The following SLC30A3 variants were observed in gnomAD, a reference collection of about 807,000 sequenced individuals.
SLC30A3 encodes the protein probable proton-coupled zinc antiporter SLC30A3.
A neutral mutation model predicts 35.6 loss-of-function variants in SLC30A3; 20 were observed. The observed-to-expected ratio is 0.56, with a 90% CI of 0.39 to 0.82. The LOEUF is 0.82. Ranked by LOEUF, SLC30A3 falls within the 40% of genes least tolerant of loss-of-function variation. The probability of loss-of-function intolerance (pLI) is 0.00; values close to 1 mark genes in which losing one functional copy is unlikely to be tolerated. For missense variants in SLC30A3, 401 were observed against 530.6 expected (o/e 0.76, Z 2.40); for synonymous variants, 217 against 224.7 (o/e 0.97, Z 0.31).
chr2:27,260,980 T>A (rs1677152863), intron 1 of SLC30A3, among the ~76,000 whole-genome samples: 1 of 152,088 alleles, frequency 6.6e-6, no homozygotes, highest in Non-Finnish European at 1.5e-5. Context: ...GCTTACTACA[T>A]AAGGACAGGT....
intron 1 of SLC30A3, among the ~76,000 whole-genome samples, chr2:27,261,138 CAA>C (rs1677164306): frequency 6.6e-6 from 1 of 152,106 alleles, no homozygotes; most frequent in Non-Finnish European, 1.5e-5. Context: ...TGTAGAATGA[CAA>C]AGACGAGGTT....
chr2:27,272,923 A>G (rs1435115032), intron 1 of SLC30A3, among the ~76,000 whole-genome samples: 2 of 151,388 alleles, frequency 1.3e-5, no homozygotes, highest in Admixed American at 1.3e-4. Flanking sequence ...ATGCTGGTGC[A>G]TGCCTTTAGT....
chr2:27,258,784 A>C lies in SLC30A3; in HGVS notation c.246T>G (p.Val82=), dbSNP rs1992290. 50,238 of 1,614,130 alleles carry C rather than the reference A, an allele frequency of 0.031. 6,132 individuals carry two copies. In the African/African-American group the frequency reaches 0.39, roughly 13 times the overall value. ...ARRQLYAACA[V]CFVFMAGEVV... is the part of the protein sequence containing the mutation. Reference sequence around the variant, plus strand: ...CCTCCCCAGCCATGAAGACAAAGCAAACGGCACAGGCAGCATATAGCTGCC... The same window carrying C: ...CCTCCCCAGCCATGAAGACAAAGCACACGGCACAGGCAGCATATAGCTGCC... Residue 82 remains valine, a synonymous_variant, in exon 2 of 8, where the codon GTT becomes GTG. Transcript: ENST00000233535. This position sits in a 1 kb window ranked among gnomAD's most constrained non-coding sequence, Gnocchi z 4.0.
rs745429257 is a variant in SLC30A3, at chr2:27,257,317, T to TG, written c.613dup (p.His205ProfsTer6). 18 of 1,613,016 alleles carry TG rather than the reference T, an allele frequency of 1.1e-5. No homozygotes were observed. The highest frequency in any genetic ancestry group is 1.7e-6 in the Non-Finnish European group (2 of 1,179,708). ...CTCTGCTCCCCTAGACCCGTGGCTGTGGGGGGGCCCAGCCTGGTGCAGCAC... is the reference window on the plus strand; with the variant it reads ...CTCTGCTCCCCTAGACCCGTGGCTGTGGGGGGGGCCCAGCCTGGTGCAGCAC... On this transcript the variant is annotated frameshift_variant, in exon 5 of 8. Coordinates refer to ENST00000233535, the MANE Select transcript of SLC30A3 (RefSeq NM_003459.5). LOFTEE classifies it high-confidence loss of function. The surrounding 1 kb of genome is among the most constrained non-coding windows in gnomAD (Gnocchi z 4.7).
At position 27,257,953 on chromosome 2, in the gene SLC30A3, C is replaced by T; in HGVS notation, c.530G>A (p.Gly177Glu). The T allele has an allele frequency of 6.2e-7, 1 of 1,614,194 alleles. No individual in the cohort carries two copies. Among genetic ancestry groups the T allele is most frequent in the South Asian group, 1.1e-5 (1 of 91,082 alleles). The change falls in exon 4 of 8, where the codon GGG becomes GAG. Residue 177 changes from glycine to glutamate, a missense_variant. Physicochemically the swap from Gly to Glu is moderately conservative, Grantham distance 98 (BLOSUM62 -2). This residue lies in a region of SLC30A3 where 296 missense variants were observed against 392.6 expected (regional missense o/e 0.75). Transcript: ENST00000233535. This position sits in a 1 kb window ranked among gnomAD's most constrained non-coding sequence, Gnocchi z 4.7. ...GCTGGCGGTCAGCAGCATGGCACCCCCCTCGATGTGGTAGTCGCTGTGCAG... is the reference window on the plus strand; with the variant it reads ...GCTGGCGGTCAGCAGCATGGCACCCTCCTCGATGTGGTAGTCGCTGTGCAG... ...RLLHSDYHIE[G>E]GAMLLTASIA... is the part of the protein sequence containing the mutation.
chr2:27,269,230 A>G (rs1677627279), intron 1 of SLC30A3, among the ~76,000 whole-genome samples: 1 of 136,968 alleles, frequency 7.3e-6, no homozygotes, highest in African/African-American at 2.8e-5. Flanking sequence ...TTTTGGAGAC[A>G]GAGTCTTGCT....
intron 1 of SLC30A3, among the ~76,000 whole-genome samples, chr2:27,261,562 CT>C (rs893616714): frequency 6.6e-6 from 1 of 152,256 alleles, no homozygotes; most frequent in African/African-American, 2.4e-5. Context: ...AGGCTGCTCC[CT>C]TTTGTTCTGC....
At position 27,257,818 on chromosome 2, in the gene SLC30A3, T is replaced by C; in HGVS notation, c.578+87A>G. 1.2e-5 allele frequency: 16 copies of C among 1,315,674 alleles called. No homozygotes were observed. The highest frequency in any genetic ancestry group is 1.7e-5 in the Non-Finnish European group (16 of 942,150). 81.5% of individuals were successfully genotyped at this position (1,315,674 alleles called of 1,614,324 possible). A position where few individuals can be genotyped will look rare whatever the true frequency, so the allele number is the denominator to read the frequency against. On this transcript the variant is annotated intron_variant, in intron 4 of 7. Transcript: ENST00000233535. This position sits in a 1 kb window ranked among gnomAD's most constrained non-coding sequence, Gnocchi z 4.7. ...TGTGTGTGCGTGTCTGTGTGTCTGG[T>C]GGGGAGGAGAGAGCCAGCTCTCCCA...
rs765014705 is a variant in SLC30A3, at chr2:27,258,833, G to T, written c.197C>A (p.Thr66Asn). The T allele has an allele frequency of 2.5e-6, 4 of 1,614,118 alleles. No individual in the cohort carries two copies. The highest frequency in any genetic ancestry group is 2.2e-5 in the East Asian group (1 of 44,898). The change falls in exon 2 of 8, where the codon ACC becomes AAC. Residue 66 changes from threonine to asparagine, a missense_variant. This residue lies in a region of SLC30A3 where 103 missense variants were observed against 120.7 expected (regional missense o/e 0.85). Transcript: ENST00000233535. This position sits in a 1 kb window ranked among gnomAD's most constrained non-coding sequence, Gnocchi z 4.0. ...CCTCCGTGCATGCAGCCTCTCAGGG[G>T]TAAGGCCCGGCGGCGGAAGGGGGTC... ...HRDPLPPPGL[T>N]PERLHARRQL...
intron 1 of SLC30A3, among the ~76,000 whole-genome samples, chr2:27,260,711 G>A (rs1677136460): frequency 6.6e-6 from 1 of 152,190 alleles, no homozygotes; most frequent in African/African-American, 2.4e-5. Context: ...CCAAGTGGGT[G>A]AACTGAGTTT....
At chr2:27,256,622 C>T (rs1456962817) in intron 6 of SLC30A3, 102 bp from the exon 7 acceptor site, 19 of 1,497,520 alleles carry the variant, frequency 1.3e-5, no homozygotes, top group Non-Finnish European at 1.7e-5. Flanking sequence ...ATGCACTCTC[C>T]TTTTGACCCC....
rs1429743374 is a variant in SLC30A3 at position 27,262,457 on chromosome 2, C to T, written c.95+355G>A. Among the ~76,000 whole-genome samples, 2 of 151,796 alleles carry T rather than the reference C, an allele frequency of 1.3e-5. No homozygotes were observed. The highest frequency in any genetic ancestry group is 2.9e-5 in the Non-Finnish European group (2 of 67,918). Reference sequence around the variant, plus strand: ...AGGCGCTCCCGCCCTGGGCCCGGGGCAATGCGGACCTTGGCGCACCGGGCG... The same window carrying T: ...AGGCGCTCCCGCCCTGGGCCCGGGGTAATGCGGACCTTGGCGCACCGGGCG... On this transcript the variant is annotated intron_variant, in intron 1 of 7. Coordinates refer to ENST00000233535, the MANE Select transcript of SLC30A3 (RefSeq NM_003459.5). The surrounding 1 kb of genome is among the most constrained non-coding windows in gnomAD (Gnocchi z 7.5).
At position 27,258,682 on chromosome 2, in the gene SLC30A3, G is replaced by A. The variant is rs891805587; in HGVS notation, c.277+71C>T. The stretch of plus-strand genomic sequence containing the variant: ...TGCATCTGCACCCAGGAACATTCCT[G>A]GGACTCTGGGTGGAGAGTGGCTTGG... On this transcript the variant is annotated intron_variant, in intron 2 of 7. Coordinates refer to ENST00000233535, the MANE Select transcript of SLC30A3 (RefSeq NM_003459.5). The surrounding 1 kb of genome is among the most constrained non-coding windows in gnomAD (Gnocchi z 4.0). The A allele has an allele frequency of 6.5e-7, 1 of 1,531,022 alleles. No individual in the cohort carries two copies. Among genetic ancestry groups the A allele is most frequent in the African/African-American group, 1.4e-5 (1 of 73,182 alleles). The allele number at this position is 1,531,022 out of a possible 1,614,324, so 94.8% of individuals were successfully genotyped here. A position where few individuals can be genotyped will look rare whatever the true frequency, so the allele number is the denominator to read the frequency against.
At position 27,258,388 on chromosome 2, in the gene SLC30A3, G is replaced by A; in HGVS notation, c.278-81C>T. ...TATAGGCATGGAAAATAAATTGGGG[G>A]ATATACACCAAAAATGTGATTTGGG... On this transcript the variant is annotated intron_variant, in intron 2 of 7. Transcript: ENST00000233535. This position sits in a 1 kb window ranked among gnomAD's most constrained non-coding sequence, Gnocchi z 4.0. The A allele has an allele frequency of 7.4e-7, 1 of 1,359,098 alleles. No individual in the cohort carries two copies. The highest frequency in any genetic ancestry group is 9.8e-7 in the Non-Finnish European group (1 of 1,020,980). 84.2% of individuals were successfully genotyped at this position (1,359,098 alleles called of 1,614,324 possible). A position where few individuals can be genotyped will look rare whatever the true frequency, so the allele number is the denominator to read the frequency against.
chr2:27,258,649 C>T lies in SLC30A3; in HGVS notation c.277+104G>A. The T allele has an allele frequency of 7.8e-7, 1 of 1,277,680 alleles. No homozygotes were observed. The highest frequency in any genetic ancestry group is 1.1e-6 in the Non-Finnish European group (1 of 896,802). 79.1% of individuals were successfully genotyped at this position (1,277,680 alleles called of 1,614,324 possible). ...ACCCAGCTCCCCTATCCCAGCCATC[C>T]CCATCTCTGCATCTGCACCCAGGAA... On this transcript the variant is annotated intron_variant, in intron 2 of 7. Coordinates refer to ENST00000233535, the MANE Select transcript of SLC30A3 (RefSeq NM_003459.5). The surrounding 1 kb of genome is among the most constrained non-coding windows in gnomAD (Gnocchi z 4.0).
At chr2:27,260,802 C>G (rs1677140654) in intron 1 of SLC30A3, among the ~76,000 whole-genome samples, 1 of 152,080 alleles carries the variant, frequency 6.6e-6, no homozygotes, top group Non-Finnish European at 1.5e-5. Context: ...TTCCAAAGCC[C>G]CATCCAAGAC....
In SLC30A3 at chr2:27,262,164, G is replaced by A. The variant is rs928920763; in HGVS notation, c.95+648C>T. On this transcript the variant is annotated intron_variant, in intron 1 of 7. Transcript: ENST00000233535. The surrounding 1 kb of genome is among the most constrained non-coding windows in gnomAD (Gnocchi z 7.5). ...CCTGCCACCCCCGGCCCGCTGTCCC[G>A]GCCGCTCCGCGCGCCTCATTTCACA... The A allele has an allele frequency of 2.0e-5, 3 of 152,048 alleles. No individual in the cohort carries two copies. Among genetic ancestry groups the A allele is most frequent in the Non-Finnish European group, 2.9e-5 (2 of 68,026 alleles). 9.4% of individuals were successfully genotyped at this position (152,048 alleles called of 1,614,324 possible). A position where few individuals can be genotyped will look rare whatever the true frequency, so the allele number is the denominator to read the frequency against.
intron 1 of SLC30A3, among the ~76,000 whole-genome samples, chr2:27,269,108 CATT>C (rs750212610): frequency 2.6e-4 from 39 of 150,492 alleles, no homozygotes; most frequent in Non-Finnish European, 5.0e-4. Context: ...ATAGTCGTAA[CATT>C]AACAGAAATG....
chr2:27,266,246 A>C (rs1677492445), upstream of SLC30A3, among the ~76,000 whole-genome samples: 1 of 151,958 alleles, frequency 6.6e-6, no homozygotes, highest in Admixed American at 6.6e-5. Flanking sequence ...TATTTCTTTC[A>C]GCACTGATCA....
Sources: allele counts gnomAD v4.1 joint callset (sites outside exome capture counted in the v4.1 genomes callset), GRCh38; gene constraint gnomAD v4.1.1; regional missense constraint gnomAD v4.1.1; non-coding constraint Gnocchi (gnomAD v3.1); transcripts MANE v1.5; gene names NCBI Gene and HGNC (gene_info 2026-07-23, HGNC 2026-07-21).